EEA1: variants seen among roughly 807,000 people sequenced by gnomAD.
EEA1 encodes early endosome antigen 1, 162kD.
EEA1 carries 111 observed loss-of-function variants against 209.2 expected under a neutral mutation model. That is an observed-to-expected ratio of 0.53 (90% CI 0.45 to 0.62). The LOEUF is 0.62. Among genes scored for constraint, EEA1 ranks in the 20% least tolerant of loss-of-function variants. EEA1 has a pLI of 0.00. For missense variants in EEA1, 1,343 were observed against 1,530.8 expected, an observed-to-expected ratio of 0.88 and a Z score of 2.05; for synonymous variants, 536 against 540.6, an observed-to-expected ratio of 0.99 and a Z score of 0.12.
Position 92,807,264 on chromosome 12 carries a change from A to T in EEA1, c.2339+1753T>A, listed in dbSNP as rs573270534. On this transcript the variant is annotated intron_variant, in intron 18 of 28. Coordinates refer to ENST00000322349, the MANE Select transcript of EEA1 (RefSeq NM_003566.4). ...CCACAAGGCCGATAATTTTTTTTTT[A>T]TATATAACTAGGTATCAAAGGTAAT... is the stretch of plus-strand genomic sequence containing the variant. Among the ~76,000 whole-genome samples the T allele has an allele frequency of 3.9e-3, 547 of 141,538 alleles. 2 individuals are homozygous for T. The highest frequency in any genetic ancestry group is 0.014 in the African/African-American group (525 of 38,514). 92.9% of individuals were successfully genotyped at this position (141,538 alleles called of 152,430 possible).
intron 1 of EEA1, among the ~76,000 whole-genome samples, chr12:92,913,461 A>AT (rs1229010679): frequency 1.3e-5 from 2 of 151,582 alleles, no homozygotes; most frequent in Admixed American, 6.6e-5. Context: ...GTTTGCAAGC[A>AT]TTTTCTCCCA....
chr12:92,841,557 A>G (rs970825882), intron 10 of EEA1, among the ~76,000 whole-genome samples: 2 of 152,076 alleles, frequency 1.3e-5, no homozygotes, highest in Non-Finnish European at 2.9e-5. Context: ...TATATAAAGA[A>G]CTCCTACAAC....
At position 92,850,914 on chromosome 12, in the gene EEA1, CTGAG is replaced by C. The variant is rs946714217; in HGVS notation, c.798+193_798+196del. On this transcript the variant is annotated intron_variant, in intron 9 of 28. Coordinates refer to ENST00000322349, the MANE Select transcript of EEA1 (RefSeq NM_003566.4). ...AATAATAATCTTTATGCAAATATTC[CTGAG>C]TGTCTAGCTTTATAAAGCAAAACAT... 9.2e-5 allele frequency among the ~76,000 whole-genome samples: 14 copies of C among 151,872 alleles called. 1 individual carries two copies. The highest frequency in any genetic ancestry group is 8.5e-4 in the Admixed American group (13 of 15,260).
intron 1 of EEA1, among the ~76,000 whole-genome samples, chr12:92,923,433 C>T (rs1421246377): frequency 6.6e-6 from 1 of 152,172 alleles, no homozygotes; most frequent in Non-Finnish European, 1.5e-5. Flanking sequence ...GCAAACATCC[C>T]ATCCACATCC....
rs1458983305 is a variant in EEA1, at chr12:92,777,606, T to A, written c.3951A>T (p.Gln1317His). 1 of 1,612,382 alleles carries A rather than the reference T, an allele frequency of 6.2e-7. No homozygotes were observed. Among genetic ancestry groups the A allele is most frequent in the Non-Finnish European group, 8.5e-7 (1 of 1,178,962 alleles). The change falls in exon 27 of 29, where the codon CAA becomes CAT. Residue 1317 changes from glutamine (Q) to histidine (H), a missense_variant. Coordinates refer to ENST00000322349, the MANE Select transcript of EEA1 (RefSeq NM_003566.4). ...CTGCAGTTGTATTATCCAGCTTTCT[T>A]TGCAATTCTAATACTTTGGTTTGAA... ...EKLQTKVLEL[Q>H]RKLDNTTAAV...
At position 92,816,183 on chromosome 12, in the gene EEA1, A is replaced by G. The variant is rs1875774379; in HGVS notation, c.1929+17T>C. ...TCTAAAACTGGTGCTTTACACAAAC[A>G]TTAAATTTAATATTACCTGTATGTC... On this transcript the variant is annotated intron_variant, in intron 15 of 28. Transcript: ENST00000322349. 5 of 1,605,456 alleles carry G rather than the reference A, an allele frequency of 3.1e-6. No individual in the cohort carries two copies. Among genetic ancestry groups the G allele is most frequent in the East Asian group, 2.2e-5 (1 of 44,804 alleles).
At chr12:92,867,611 T>C (rs1205711564) in intron 2 of EEA1, among the ~76,000 whole-genome samples, 1 of 151,874 alleles carries the variant, frequency 6.6e-6, no homozygotes, top group Admixed American at 6.6e-5. Flanking sequence ...AAAATGTACA[T>C]CCTCATTTAT....
At chr12:92,808,440 A>G (rs1354520878) in intron 18 of EEA1, among the ~76,000 whole-genome samples, 1 of 151,514 alleles carries the variant, frequency 6.6e-6, no homozygotes, top group Admixed American at 6.6e-5. Flanking sequence ...CTTCATAAAC[A>G]TAGACAATCT....
At chr12:92,919,287 C>T (rs1880892121) in intron 1 of EEA1, among the ~76,000 whole-genome samples, 1 of 147,318 alleles carries the variant, frequency 6.8e-6, no homozygotes, top group Non-Finnish European at 1.5e-5. Context: ...GGCAGAGACA[C>T]AACCAAAAAA....
In EEA1 at chr12:92,778,158, CCTTTT is replaced by C. The variant is rs775747036; in HGVS notation, c.3671_3675del (p.Glu1224GlyfsTer8). The C allele has an allele frequency of 6.8e-6, 11 of 1,611,058 alleles. No individual in the cohort carries two copies. The highest frequency in any genetic ancestry group is 7.6e-6 in the Non-Finnish European group (9 of 1,178,848). Reference sequence around the variant, plus strand: ...TCTTCATGCTTCTTCATTCCTACTTCCTTTTCTTTTATTTCGGAATGCTGAAAAAA... The same window carrying C: ...TCTTCATGCTTCTTCATTCCTACTTCCTTTTATTTCGGAATGCTGAAAAAA... On this transcript the variant is annotated frameshift_variant, in exon 26 of 29. Transcript: ENST00000322349. LOFTEE classifies it high-confidence loss of function.
intron 13 of EEA1, among the ~76,000 whole-genome samples, chr12:92,819,889 C>T (rs990875711): frequency 1.3e-4 from 20 of 152,068 alleles, no homozygotes; most frequent in African/African-American, 4.8e-4. Context: ...TGGAACTCTT[C>T]CCCCACAGAG....
At position 92,826,072 on chromosome 12, in the gene EEA1, T is replaced by C. The variant is rs190401267; in HGVS notation, c.1524+94A>G. 2.0e-5 allele frequency: 26 copies of C among 1,308,648 alleles called. No homozygotes were observed. In the South Asian group the frequency reaches 4.3e-4, roughly 22 times the overall value. 81.1% of individuals were successfully genotyped at this position (1,308,648 alleles called of 1,614,324 possible). On this transcript the variant is annotated intron_variant, in intron 13 of 28. Transcript: ENST00000322349. Reference sequence around the variant, plus strand: ...TAGTTTTACCACAACAAAAGGATAATGATTTGGATTAATTAATTTTATTTT... The same window carrying C: ...TAGTTTTACCACAACAAAAGGATAACGATTTGGATTAATTAATTTTATTTT...
chr12:92,808,871 A>G (rs1297522253), intron 18 of EEA1, 146 bp downstream of exon 18: 2 of 628,686 alleles, frequency 3.2e-6, no homozygotes, highest in East Asian at 6.9e-5. Flanking sequence ...TTTCATTCAC[A>G]TTAACATCAG....
chr12:92,855,601 G>T (rs1050609147), intron 5 of EEA1, among the ~76,000 whole-genome samples: 1 of 151,876 alleles, frequency 6.6e-6, no homozygotes, highest in African/African-American at 2.4e-5. Flanking sequence ...TACTACCTTG[G>T]CATTATTTTT....
At chr12:92,835,322 C>A (rs1229319901) in intron 10 of EEA1, 1 of 263,988 alleles carries the variant, frequency 3.8e-6, no homozygotes, top group African/African-American at 2.3e-5. Context: ...GAGTTAGAGT[C>A]TTCTTCCCCA....
intron 2 of EEA1, among the ~76,000 whole-genome samples, chr12:92,871,419 G>C (rs1015120422): frequency 6.6e-6 from 1 of 152,130 alleles, no homozygotes; most frequent in Non-Finnish European, 1.5e-5. Flanking sequence ...AGTAACACTG[G>C]AGTCATTAAG....
At chr12:92,922,883 G>A (rs963170069) in intron 1 of EEA1, among the ~76,000 whole-genome samples, 2 of 151,608 alleles carry the variant, frequency 1.3e-5, no homozygotes, top group African/African-American at 2.4e-5. Flanking sequence ...GCTTGAACCC[G>A]GGAGGCAGAG....
intron 1 of EEA1, among the ~76,000 whole-genome samples, chr12:92,893,394 C>T (rs1023642985): frequency 3.9e-5 from 6 of 152,112 alleles, no homozygotes; most frequent in Admixed American, 6.5e-5. Flanking sequence ...AGCAGTGTGG[C>T]TCTTAATCAC....
Position 92,817,759 on chromosome 12 carries a change from T to C in EEA1, c.1729-1359A>G, listed in dbSNP as rs545799559. Among the ~76,000 whole-genome samples, 3 of 152,318 alleles carry C rather than the reference T, an allele frequency of 2.0e-5. No individual in the cohort carries two copies. The East Asian group carries it at 5.8e-4, about 29-fold the overall frequency. Reference sequence around the variant, plus strand: ...GATTTTGTTGTCTTCTTTCAAAGAATGTTTTGTCCCAGCACATATTTAATA... The same window carrying C: ...GATTTTGTTGTCTTCTTTCAAAGAACGTTTTGTCCCAGCACATATTTAATA... On this transcript the variant is annotated intron_variant, in intron 14 of 28. Coordinates refer to ENST00000322349, the MANE Select transcript of EEA1 (RefSeq NM_003566.4).
Sources: gnomAD v4.1 joint callset for allele counts (sites outside exome capture counted in the v4.1 genomes callset) on GRCh38, gnomAD v4.1.1 for gene constraint, MANE v1.5 for transcripts, NCBI Gene and HGNC (gene_info 2026-07-23, HGNC 2026-07-21) for gene names.